TCF25: variants seen among roughly 807,000 people sequenced by gnomAD.
TCF25 encodes TCF25 ribosome quality control complex subunit, also known as ribosome quality control complex subunit TCF25.
In TCF25, 41 loss-of-function variants were observed where a neutral mutation model predicts 83.1. The observed-to-expected ratio is 0.49, with a 90% CI of 0.38 to 0.64. The LOEUF (loss-of-function observed/expected upper bound fraction) is 0.64, where lower values mean the gene tolerates loss of function less well. Ranked by LOEUF, TCF25 falls within the 30% of genes least tolerant of loss-of-function variation. TCF25 has a pLI of 0.00. For missense variants in TCF25, 979 were observed against 914.5 expected, an observed-to-expected ratio of 1.07 and a Z score of -0.91; for synonymous variants, 458 against 365.0, an observed-to-expected ratio of 1.25 and a Z score of -2.90.
chr16:89,895,253 G>A (rs7184960), intron 8 of TCF25, 116 bp downstream of exon 8: 102,057 of 932,688 alleles, frequency 0.11, 6,571 homozygotes, highest in South Asian at 0.18. Flanking sequence ...CAGCTTTATT[G>A]AGATACAACC....
At position 89,900,009 on chromosome 16, in the gene TCF25, C is replaced by T. The variant is rs536893957; in HGVS notation, c.1222-626C>T. Among the ~76,000 whole-genome samples, 7 of 152,292 alleles carry T rather than the reference C, an allele frequency of 4.6e-5. No homozygotes were observed. In the South Asian group the frequency reaches 1.2e-3, roughly 27 times the overall value. On this transcript the variant is annotated intron_variant, in intron 11 of 17. Coordinates refer to ENST00000263346, the MANE Select transcript of TCF25 (RefSeq NM_014972.3). Reference sequence around the variant, plus strand: ...CCCAGGAATGTGGTTTATAGAAATTCCTGGAGCTCACAAAAATGTAGGTGC... The same window carrying T: ...CCCAGGAATGTGGTTTATAGAAATTTCTGGAGCTCACAAAAATGTAGGTGC...
intron 16 of TCF25, chr16:89,909,154 T>G (rs2045332408): frequency 8.6e-6 from 11 of 1,279,526 alleles, no homozygotes; most frequent in Non-Finnish European, 1.1e-5. Flanking sequence ...AATGTAGAAA[T>G]AAACATAAAA....
chr16:89,909,070 G>T, intron 16 of TCF25: 7 of 1,289,518 alleles, frequency 5.4e-6, no homozygotes, highest in Non-Finnish European at 7.1e-6. Context: ...CTTGCGTGTC[G>T]GCCTCTGTGG....
chr16:89,898,795 A>T lies in TCF25; in HGVS notation c.1144A>T (p.Met382Leu), dbSNP rs777305556. ...SLEPDEDPLC[M>L]LLLIDHLALR... The stretch of plus-strand genomic sequence containing the variant: ...CGAGCCGGATGAGGACCCCCTCTGC[A>T]TGCTGCTGCTCATCGACCACCTGGC... The change falls in exon 11 of 18, where the codon ATG (methionine) becomes TTG (leucine). Residue 382 changes from methionine (M) to leucine (L), a missense_variant. Physicochemically the swap from Met to Leu is conservative, Grantham distance 15 (BLOSUM62 2). Transcript: ENST00000263346. 2 of 1,613,912 alleles carry T rather than the reference A, an allele frequency of 1.2e-6. No homozygotes were observed. Among genetic ancestry groups the T allele is most frequent in the Non-Finnish European group, 1.7e-6 (2 of 1,180,030 alleles).
At chr16:89,887,845 C>T (rs1279678646) in intron 5 of TCF25, 128 bp downstream of exon 5, 1 of 805,662 alleles carries the variant, frequency 1.2e-6, no homozygotes, top group Admixed American at 3.6e-5. Context: ...GCACACGTAA[C>T]CCTTAGAATT....
At chr16:89,905,120 C>T (rs746875060) in intron 14 of TCF25, 24 bp downstream of exon 14, 2 of 1,545,128 alleles carry the variant, frequency 1.3e-6, no homozygotes, top group East Asian at 2.3e-5. Flanking sequence ...TGACACAAGC[C>T]CTGCCACGCC....
intron 9 of TCF25, among the ~76,000 whole-genome samples, chr16:89,898,120 A>C (rs981603771): frequency 6.6e-6 from 1 of 152,208 alleles, no homozygotes; most frequent in Admixed American, 6.5e-5. Flanking sequence ...AAAAAAAAAA[A>C]AAGATTTCAA....
chr16:89,905,957 A>C lies in TCF25; in HGVS notation c.1629-237A>C, dbSNP rs1407992490. Among the ~76,000 whole-genome samples the C allele has an allele frequency of 1.8e-4, 27 of 152,216 alleles. No individual in the cohort carries two copies. The East Asian group carries it at 4.5e-3, about 25-fold the overall frequency. ...GGCTCTCATCGTTCTTGTTCTTTGG[A>C]TGAAGAGGCTGAGTCACTGGCCATG... On this transcript the variant is annotated intron_variant, in intron 14 of 17. Coordinates refer to ENST00000263346, the MANE Select transcript of TCF25 (RefSeq NM_014972.3).
rs1369516379 is a variant in TCF25, at chr16:89,887,646, C to T, written c.549-6C>T. On this transcript the variant is annotated splice_polypyrimidine_tract_variant and splice_region_variant and intron_variant, in intron 4 of 17. Coordinates refer to ENST00000263346, the MANE Select transcript of TCF25 (RefSeq NM_014972.3). ...TGTTTTTTTTCTACAATTTTCAATT[C>T]CCCAGACACTTGAATCCAGACACAG... 4 of 1,577,710 alleles carry T rather than the reference C, an allele frequency of 2.5e-6. No individual in the cohort carries two copies. The highest frequency in any genetic ancestry group is 1.4e-5 in the African/African-American group (1 of 72,594).
At chr16:89,874,103 C>A (rs1429032373) in intron 1 of TCF25, among the ~76,000 whole-genome samples, 1 of 47,634 alleles carries the variant, frequency 2.1e-5, no homozygotes, top group Admixed American at 3.1e-4. Context: ...GTGAGGTGGG[C>A]GGGGCTAAGG....
At position 89,873,636 on chromosome 16, in the gene TCF25, C is replaced by T. The variant is rs755835505; in HGVS notation, c.-32C>T. ...GCCGAGTTTTCTGCGCTTCCTTCTCCCTCTCTCCAGACGTCGTGGTCGTTC... is the reference window on the plus strand; with the variant it reads ...GCCGAGTTTTCTGCGCTTCCTTCTCTCTCTCTCCAGACGTCGTGGTCGTTC... On this transcript the variant is annotated 5_prime_UTR_variant, in exon 1 of 18. Transcript: ENST00000263346. 15 of 1,504,650 alleles carry T rather than the reference C, an allele frequency of 1.0e-5. No homozygotes were observed. The African/African-American group carries it at 1.3e-4, about 13-fold the overall frequency. The allele number at this position is 1,504,650 out of a possible 1,614,324, so 93.2% of individuals were successfully genotyped here.
chr16:89,898,356 GGGT>G (rs2044036664), intron 9 of TCF25, among the ~76,000 whole-genome samples, 198 bp from the exon 10 acceptor site: 3 of 137,072 alleles, frequency 2.2e-5, no homozygotes, highest in African/African-American at 7.5e-5. Flanking sequence ...GGGGTGGAGC[GGGT>G]GTTGACTGGG....
At chr16:89,903,526 C>G (rs527394275) in intron 12 of TCF25, among the ~76,000 whole-genome samples, 69 of 152,234 alleles carry the variant, frequency 4.5e-4, no homozygotes, top group African/African-American at 1.6e-3. Flanking sequence ...TAAAAATTAG[C>G]CGGGTGTGGT....
chr16:89,883,223 C>T (rs149376059), intron 1 of TCF25, 128 bp from the exon 2 acceptor site: 405 of 1,263,956 alleles, frequency 3.2e-4, no homozygotes, highest in Non-Finnish European at 3.9e-4. Context: ...GCATCTTTCC[C>T]GTCCAGCGTC....
At chr16:89,877,404 G>T (rs1342524336) in intron 1 of TCF25, among the ~76,000 whole-genome samples, 2 of 152,058 alleles carry the variant, frequency 1.3e-5, no homozygotes, top group African/African-American at 4.8e-5. Flanking sequence ...CAGTGTGCTG[G>T]GATTATAGAT....
Position 89,892,194 on chromosome 16 carries a change from C to T in TCF25, c.616C>T (p.Pro206Ser). The change falls in exon 6 of 18, where the codon CCA becomes TCA. Residue 206 changes from proline (P) to serine (S), a missense_variant and splice_region_variant. By Grantham distance (74) the Pro-to-Ser change is moderately conservative. Coordinates refer to ENST00000263346, the MANE Select transcript of TCF25 (RefSeq NM_014972.3). ...GTACCTGTGTCCCGTTCTCCCCAGGCCACGGCAGAGACAACGTGTGTACCC... is the reference window on the plus strand; with the variant it reads ...GTACCTGTGTCCCGTTCTCCCCAGGTCACGGCAGAGACAACGTGTGTACCC... ...GARAILGEQR[P>S]RQRQRVYPKC... 1 of 1,608,812 alleles carries T rather than the reference C, an allele frequency of 6.2e-7. No homozygotes were observed. The highest frequency in any genetic ancestry group is 1.1e-5 in the South Asian group (1 of 90,362).
Position 89,886,252 on chromosome 16 carries a change from C to G in TCF25, c.548+286C>G, listed in dbSNP as rs2043007490. ...ACCATCCTGGCTAACATGGTGAAAC[C>G]CCCTCTCTACTAAAAATACAAAAAA... On this transcript the variant is annotated intron_variant, in intron 4 of 17. Coordinates refer to ENST00000263346, the MANE Select transcript of TCF25 (RefSeq NM_014972.3). 1.1e-5 allele frequency: 4 copies of G among 376,534 alleles called. No individual in the cohort carries two copies. The Admixed American group carries it at 1.1e-4, about 10-fold the overall frequency. 23.3% of individuals were successfully genotyped at this position (376,534 alleles called of 1,614,324 possible).
chr16:89,904,683 G>A (rs766388972), intron 13 of TCF25: 9 of 619,702 alleles, frequency 1.5e-5, no homozygotes, highest in South Asian at 5.0e-5. Flanking sequence ...AGATGGACCC[G>A]CCCTGGGTGC....
chr16:89,909,202 G>A (rs895793514), intron 16 of TCF25: 165 of 1,220,870 alleles, frequency 1.4e-4, no homozygotes, highest in Middle Eastern at 3.0e-4. Flanking sequence ...GGCAAACCCC[G>A]TCTCAACTAA....
Sources: gnomAD v4.1 joint callset for allele counts (sites outside exome capture counted in the v4.1 genomes callset) on GRCh38, gnomAD v4.1.1 for gene constraint, MANE v1.5 for transcripts, NCBI Gene and HGNC (gene_info 2026-07-23, HGNC 2026-07-21) for gene names.